HECW1: variants seen among roughly 807,000 people sequenced by gnomAD.
HECW1 encodes the protein HECT, C2 and WW domain containing E3 ubiquitin protein ligase 1, also known as E3 ubiquitin-protein ligase HECW1.
A neutral mutation model predicts 182.3 loss-of-function variants in HECW1; 61 were observed. The ratio of observed to expected loss-of-function variants is 0.33; its 90% CI spans 0.27 to 0.41. The LOEUF (loss-of-function observed/expected upper bound fraction) is 0.41, where lower values mean the gene tolerates loss of function less well. Ranked by LOEUF, HECW1 falls within the 10% of genes least tolerant of loss-of-function variation. The pLI is 1.00. For missense variants in HECW1, 1,739 were observed against 2,108.9 expected (o/e 0.82, Z 3.44); for synonymous variants, 859 against 832.6 (o/e 1.03, Z -0.55).
At chr7:43,220,774 A>C (rs559033231) in intron 2 of HECW1, among the ~76,000 whole-genome samples, 39 of 152,338 alleles carry the variant, frequency 2.6e-4, no homozygotes, top group African/African-American at 9.4e-4. Flanking sequence ...AGGTTTAGGA[A>C]AGCCACCAAT....
rs533597335 is a variant in HECW1, at chr7:43,530,875, C to G, written c.4020-10288C>G. 1.6e-4 allele frequency among the ~76,000 whole-genome samples: 24 copies of G among 152,278 alleles called. No homozygotes were observed. In the East Asian group the frequency reaches 4.6e-3, roughly 29 times the overall value. On this transcript the variant is annotated intron_variant, in intron 24 of 29. Transcript: ENST00000395891. ...TCTGCCCCCTCCTAAAATCTATATC[C>G]TTCATATGGGTGCAAAGTGATTTCT...
Position 43,507,202 on chromosome 7 carries a change from A to G in HECW1, c.3697A>G (p.Asn1233Asp). ...AAGAGACTTTGAGGCCAAGCTCCGC[A>G]ATTTCTACAGAAAACTGGAAGCCAA... ...YRRDFEAKLR[N>D]FYRKLEAKGF... Residue 1233 changes from asparagine to aspartate, a missense_variant, in exon 22 of 30, where the codon AAT (asparagine) becomes GAT (aspartate). By Grantham distance (23) the Asn-to-Asp change is conservative. Transcript: ENST00000395891. 6.2e-7 allele frequency: 1 copy of G among 1,614,088 alleles called. No homozygotes were observed. The highest frequency in any genetic ancestry group is 8.5e-7 in the Non-Finnish European group (1 of 1,179,926).
intron 6 of HECW1, among the ~76,000 whole-genome samples, chr7:43,388,604 C>G (rs943772305): frequency 6.6e-6 from 1 of 152,124 alleles, no homozygotes; most frequent in African/African-American, 2.4e-5. Flanking sequence ...TTTCTCAGCC[C>G]CAGGGTGTTA....
chr7:43,554,686 G>C lies in HECW1; in HGVS notation c.4605G>C (p.Thr1535=). 6.2e-7 allele frequency: 1 copy of C among 1,614,034 alleles called. No individual in the cohort carries two copies. Among genetic ancestry groups the C allele is most frequent in the Non-Finnish European group, 8.5e-7 (1 of 1,179,982 alleles). The change falls in exon 29 of 30, where the codon ACG becomes ACC. Residue 1535 remains threonine (T), a synonymous_variant. Transcript: ENST00000395891. ...GGCTGAGATTACTGCAGTTTGTCAC[G>C]GGAACATCCAGCGTGCCCTACGAAG... ...EQRLRLLQFV[T]GTSSVPYEGF...
At chr7:43,512,326 C>T (rs367557051) in intron 24 of HECW1, among the ~76,000 whole-genome samples, 2 of 152,196 alleles carry the variant, frequency 1.3e-5, no homozygotes, top group African/African-American at 4.8e-5. Context: ...CTGCCCACCT[C>T]CCTTCACTCT....
intron 5 of HECW1, among the ~76,000 whole-genome samples, chr7:43,334,656 G>T (rs149338454): frequency 1.3e-5 from 2 of 152,266 alleles, no homozygotes; most frequent in East Asian, 1.9e-4. Flanking sequence ...AAGCAGAAAA[G>T]AAAAAGGAGA....
At chr7:43,305,625 G>C (rs1268913729) in intron 3 of HECW1, among the ~76,000 whole-genome samples, 1 of 151,140 alleles carries the variant, frequency 6.6e-6, no homozygotes, top group African/African-American at 2.5e-5. Flanking sequence ...TGTTGTTTGG[G>C]GGGGACAGAG....
intron 3 of HECW1, among the ~76,000 whole-genome samples, chr7:43,293,977 G>A (rs1006927443): frequency 3.3e-5 from 5 of 152,124 alleles, no homozygotes; most frequent in African/African-American, 9.7e-5. Context: ...TGCTCCTTAT[G>A]AGAACATAAG....
chr7:43,284,211 CT>C (rs906314902), intron 3 of HECW1, among the ~76,000 whole-genome samples: 7 of 149,558 alleles, frequency 4.7e-5, no homozygotes, highest in Non-Finnish European at 8.8e-5. Context: ...AAATAATTTT[CT>C]TTTTTAAACA....
chr7:43,269,453 G>C (rs951280158), intron 3 of HECW1, among the ~76,000 whole-genome samples: 2 of 152,184 alleles, frequency 1.3e-5, no homozygotes, highest in African/African-American at 4.8e-5. Flanking sequence ...CACGCCCATG[G>C]CATTTCACTA....
At chr7:43,295,888 G>A (rs1001071553) in intron 3 of HECW1, among the ~76,000 whole-genome samples, 2 of 152,208 alleles carry the variant, frequency 1.3e-5, no homozygotes, top group African/African-American at 2.4e-5. Flanking sequence ...TGACATTGAC[G>A]TATTGTTTTT....
chr7:43,179,313 A>T (rs1792565846), intron 2 of HECW1, among the ~76,000 whole-genome samples: 1 of 152,168 alleles, frequency 6.6e-6, no homozygotes. Flanking sequence ...AGCAAAGGAG[A>T]CTGTAATATT....
chr7:43,382,341 C>G (rs2074590847), intron 6 of HECW1, among the ~76,000 whole-genome samples: 1 of 151,740 alleles, frequency 6.6e-6, no homozygotes, highest in Non-Finnish European at 1.5e-5. Context: ...GAAAGTGTGT[C>G]TGAGGATGCG....
At chr7:43,387,254 G>A (rs140085751) in intron 6 of HECW1, among the ~76,000 whole-genome samples, 4 of 152,034 alleles carry the variant, frequency 2.6e-5, no homozygotes, top group African/African-American at 9.6e-5. Context: ...ATGGATCGAG[G>A]TTATGGAAAC....
chr7:43,120,783 A>G (rs2152603310), intron 2 of HECW1, among the ~76,000 whole-genome samples: 1 of 152,218 alleles, frequency 6.6e-6, no homozygotes, highest in East Asian at 1.9e-4. Flanking sequence ...AGCTGGGACT[A>G]CAGGTGCACA....
Position 43,341,090 on chromosome 7 carries a change from A to G in HECW1, c.461-19796A>G, listed in dbSNP as rs934160881. On this transcript the variant is annotated intron_variant, in intron 5 of 29. Transcript: ENST00000395891. ...AACCAAACACTGCATGTTCTCACTCATAGGTGGGAATTGAACAATGAGAAC... is the reference window on the plus strand; with the variant it reads ...AACCAAACACTGCATGTTCTCACTCGTAGGTGGGAATTGAACAATGAGAAC... 4.6e-5 allele frequency among the ~76,000 whole-genome samples: 7 copies of G among 151,636 alleles called. No homozygotes were observed. In the South Asian group the frequency reaches 6.2e-4, roughly 13 times the overall value.
chr7:43,529,103 C>T (rs1406491606), intron 24 of HECW1, among the ~76,000 whole-genome samples: 2 of 152,146 alleles, frequency 1.3e-5, no homozygotes, highest in Non-Finnish European at 2.9e-5. Context: ...GCCCTCTCAA[C>T]CTCATTATCA....
chr7:43,460,836 C>G (rs915711249), intron 13 of HECW1, among the ~76,000 whole-genome samples: 2 of 152,148 alleles, frequency 1.3e-5, no homozygotes, highest in African/African-American at 4.8e-5. Context: ...TGTGCTTCGG[C>G]AGAGGTCAGA....
intron 21 of HECW1, 73 bp from the exon 22 acceptor site, chr7:43,507,064 C>G: frequency 1.9e-6 from 3 of 1,545,888 alleles, no homozygotes; most frequent in Non-Finnish European, 2.6e-6. Flanking sequence ...AGCGAGACTC[C>G]TTCTCAAAAA....
Sources: gnomAD v4.1 joint callset for allele counts (sites outside exome capture counted in the v4.1 genomes callset) on GRCh38, gnomAD v4.1.1 for gene constraint, MANE v1.5 for transcripts, NCBI Gene and HGNC (gene_info 2026-07-23, HGNC 2026-07-21) for gene names.